The following SCD5 variants were observed in gnomAD, a reference collection of about 807,000 sequenced individuals.
SCD5 encodes stearoyl-CoA desaturase 5, also known as acyl-CoA-desaturase 4.
Under a neutral mutation model 30.4 loss-of-function variants are expected in SCD5, and 20 were observed. That is an observed-to-expected ratio of 0.66 (90% CI 0.46 to 0.96). SCD5 has a LOEUF of 0.96. Ranked by LOEUF, SCD5 falls within the 40% of genes least tolerant of loss-of-function variation. The pLI is 0.00. For synonymous variants in SCD5, 173 were observed against 176.4 expected (o/e 0.98, Z 0.16); for missense variants, 381 against 443.3 (o/e 0.86, Z 1.26).
chr4:82,632,366 C>T (rs1727313594), intron 4 of SCD5, among the ~76,000 whole-genome samples: 1 of 152,068 alleles, frequency 6.6e-6, no homozygotes, highest in Admixed American at 6.6e-5. Flanking sequence ...GACATGAACT[C>T]ATCCTTTTTT....
At chr4:82,697,892 C>T (rs1719729621) in intron 2 of SCD5, among the ~76,000 whole-genome samples, 2 of 152,204 alleles carry the variant, frequency 1.3e-5, no homozygotes, top group South Asian at 4.1e-4. Context: ...GATAAATCAC[C>T]GTCTTCACTG....
intron 1 of SCD5, among the ~76,000 whole-genome samples, chr4:82,727,264 T>C (rs1720522627): frequency 6.6e-6 from 1 of 152,190 alleles, no homozygotes; most frequent in Non-Finnish European, 1.5e-5. Flanking sequence ...CCACCTGCAT[T>C]GTCTCTGGAA....
At chr4:82,761,898 C>T (rs905681749) in intron 1 of SCD5, among the ~76,000 whole-genome samples, 1 of 151,898 alleles carries the variant, frequency 6.6e-6, no homozygotes, top group Non-Finnish European at 1.5e-5. Context: ...CATGGCCGGG[C>T]GTAGTGGCTC....
chr4:82,702,364 C>T (rs1412246826), intron 2 of SCD5, among the ~76,000 whole-genome samples: 2 of 151,754 alleles, frequency 1.3e-5, no homozygotes, highest in Admixed American at 6.6e-5. Context: ...AGGCTGCTCT[C>T]GAACTCCTGA....
In SCD5 at chr4:82,631,166, C is replaced by A; in HGVS notation, c.*161G>T. 1 of 541,496 alleles carries A rather than the reference C, an allele frequency of 1.8e-6. No individual in the cohort carries two copies. Among genetic ancestry groups the A allele is most frequent in the Non-Finnish European group, 3.1e-6 (1 of 327,290 alleles). The allele number at this position is 541,496 out of a possible 1,614,324, so 33.5% of individuals were successfully genotyped here. A position where few individuals can be genotyped will look rare whatever the true frequency, so the allele number is the denominator to read the frequency against. On this transcript the variant is annotated 3_prime_UTR_variant, in exon 5 of 5. Coordinates refer to ENST00000319540, the MANE Select transcript of SCD5 (RefSeq NM_001037582.3). ...AGTTTTTTCATTGATAATTGTATTT[C>A]AACATTATTTTGAGATAAACAAAAA...
chr4:82,691,821 G>A (rs1170868677), intron 2 of SCD5: 1 of 153,062 alleles, frequency 6.5e-6, no homozygotes, highest in African/African-American at 2.4e-5. Context: ...GTCTTTGGAG[G>A]GGTGGTGCTG....
At chr4:82,684,202 A>G (rs1314467905) in intron 2 of SCD5, among the ~76,000 whole-genome samples, 2 of 152,242 alleles carry the variant, frequency 1.3e-5, no homozygotes, top group African/African-American at 4.8e-5. Context: ...GAATGAAGCA[A>G]GTATAACAGT....
intron 1 of SCD5, among the ~76,000 whole-genome samples, chr4:82,713,859 A>C (rs1720163405): frequency 6.6e-6 from 1 of 151,896 alleles, no homozygotes; most frequent in South Asian, 2.1e-4. Context: ...CACCCCTGAC[A>C]CCTCCCTGCC....
intron 1 of SCD5, among the ~76,000 whole-genome samples, chr4:82,756,368 T>C (rs1275443165): frequency 6.6e-6 from 1 of 152,200 alleles, no homozygotes; most frequent in Non-Finnish European, 1.5e-5. Flanking sequence ...AGTTGGTTAC[T>C]TGCTAGCCAT....
chr4:82,746,138 A>T (rs1379253031), intron 1 of SCD5, among the ~76,000 whole-genome samples: 3 of 152,246 alleles, frequency 2.0e-5, no homozygotes, highest in Non-Finnish European at 4.4e-5. Context: ...CAGAACTGAG[A>T]TCCTATGGCA....
chr4:82,667,535 G>A (rs897516538), intron 3 of SCD5, among the ~76,000 whole-genome samples: 10 of 152,148 alleles, frequency 6.6e-5, no homozygotes, highest in African/African-American at 2.2e-4. Context: ...TAATTCAGCT[G>A]TTTGGCTACA....
In SCD5 at chr4:82,700,787, TAAAAAAAAAAAAAAAAAAAAAAAAA is replaced by T. The variant is rs70938305; in HGVS notation, c.363+4471_363+4495del. ...GGGTGACGGAGTGAGACCCTGTCTC[TAAAAAAAAAAAAAAAAAAAAAAAAA>T]AAAAAAAAAAAAAGACATTCTCAGA... On this transcript the variant is annotated intron_variant, in intron 2 of 4. Coordinates refer to ENST00000319540, the MANE Select transcript of SCD5 (RefSeq NM_001037582.3). Among the ~76,000 whole-genome samples, 8 of 63,802 alleles carry T rather than the reference TAAAAAAAAAAAAAAAAAAAAAAAAA, an allele frequency of 1.3e-4. No individual in the cohort carries two copies. In the South Asian group the frequency reaches 2.4e-3, roughly 20 times the overall value. The allele number at this position is 63,802 out of a possible 152,430, so 41.9% of individuals were successfully genotyped here. A position where few individuals can be genotyped will look rare whatever the true frequency, so the allele number is the denominator to read the frequency against.
intron 3 of SCD5, chr4:82,660,968 G>A: frequency 6.2e-7 from 1 of 1,614,186 alleles, no homozygotes; most frequent in South Asian, 1.1e-5. Context: ...GCTAAAATGT[G>A]TAATCCGGGA....
chr4:82,716,294 T>A (rs1378490494), intron 1 of SCD5, among the ~76,000 whole-genome samples: 1 of 151,818 alleles, frequency 6.6e-6, no homozygotes, highest in Non-Finnish European at 1.5e-5. Context: ...TCACAGGGAA[T>A]CTGGAACTGC....
intron 1 of SCD5, 135 bp from the exon 2 acceptor site, chr4:82,705,548 A>C: frequency 8.3e-7 from 1 of 1,208,630 alleles, no homozygotes; most frequent in Non-Finnish European, 1.1e-6. Flanking sequence ...AGAATCAATA[A>C]CTTGAGAGGA....
intron 1 of SCD5, among the ~76,000 whole-genome samples, chr4:82,763,600 G>A (rs1311506451): frequency 2.0e-5 from 3 of 152,260 alleles, no homozygotes; most frequent in South Asian, 2.1e-4. Flanking sequence ...TGGACACCCA[G>A]AGAAAATGTG....
chr4:82,673,082 A>G lies in SCD5; in HGVS notation c.569+7625T>C, dbSNP rs190847659. Among the ~76,000 whole-genome samples, 448 of 152,266 alleles carry G rather than the reference A, an allele frequency of 2.9e-3. 3 individuals carry two copies. The highest frequency in any genetic ancestry group is 0.01 in the African/African-American group (423 of 41,582). On this transcript the variant is annotated intron_variant, in intron 3 of 4. Transcript: ENST00000319540. ...GCTAATGTCATAAAGGTGAGAGACT[A>G]TATACTTTTCCTCTAAGATGAGGAA...
intron 1 of SCD5, among the ~76,000 whole-genome samples, chr4:82,763,920 G>A (rs1230541559): frequency 6.6e-6 from 1 of 152,164 alleles, no homozygotes; most frequent in Non-Finnish European, 1.5e-5. Context: ...CACATGAGTG[G>A]TTATGTCCTC....
intron 1 of SCD5, among the ~76,000 whole-genome samples, chr4:82,709,648 A>G (rs972488406): frequency 1.3e-5 from 2 of 152,240 alleles, no homozygotes; most frequent in Non-Finnish European, 2.9e-5. Flanking sequence ...AAGAGGATCC[A>G]TGGATGGAAG....
Sources: allele counts gnomAD v4.1 joint callset (sites outside exome capture counted in the v4.1 genomes callset), GRCh38; gene constraint gnomAD v4.1.1; transcripts MANE v1.5; gene names NCBI Gene and HGNC (gene_info 2026-07-23, HGNC 2026-07-21).